The following ZNF892 variants were observed in gnomAD, a reference collection of about 807,000 sequenced individuals.
ZNF892 encodes zinc finger protein 570-like.
chr2:95,254,213 G>A, the ZNF892 span, among the ~76,000 whole-genome samples: 8 of 152,140 alleles, frequency 5.3e-5, no homozygotes, highest in African/African-American at 1.9e-4. Context: ...TATTGGCTGT[G>A]GTTTTGTCAT....
chr2:95,209,520 A>G, the ZNF892 span, among the ~76,000 whole-genome samples: 134 of 152,330 alleles, frequency 8.8e-4, no homozygotes, highest in Non-Finnish European at 1.6e-3. Context: ...GATCTGGCCA[A>G]GACAGTGGGA....
chr2:95,240,073 A>G, the ZNF892 span, among the ~76,000 whole-genome samples: 1 of 152,080 alleles, frequency 6.6e-6, no homozygotes, highest in African/African-American at 2.4e-5. Context: ...ATCCTTTAAG[A>G]TCTTCCAGGG....
the ZNF892 span, chr2:95,212,044 A>T: frequency 2.5e-6 from 1 of 396,574 alleles, no homozygotes; most frequent in South Asian, 1.4e-4. Context: ...AAGGGACTCA[A>T]ACCCCTATCA....
At chr2:95,230,960 C>A in the ZNF892 span, among the ~76,000 whole-genome samples, 1 of 152,094 alleles carries the variant, frequency 6.6e-6, no homozygotes, top group Non-Finnish European at 1.5e-5. Context: ...CCCTTCCAAC[C>A]TAAAAAAATA....
the ZNF892 span, among the ~76,000 whole-genome samples, chr2:95,257,011 G>T: frequency 9.3e-3 from 1,409 of 152,266 alleles, 14 homozygotes; most frequent in Middle Eastern, 0.017. Context: ...CTTTGCCATG[G>T]GTTTGAACTT....
the ZNF892 span, among the ~76,000 whole-genome samples, chr2:95,248,203 A>G: frequency 6.6e-6 from 1 of 152,218 alleles, no homozygotes; most frequent in Admixed American, 6.5e-5. Flanking sequence ...GATGCAGCTG[A>G]GGCCATTATC....
the ZNF892 span, chr2:95,232,143 T>C: frequency 2.0e-5 from 3 of 152,192 alleles, no homozygotes; most frequent in Admixed American, 1.3e-4. Flanking sequence ...CATGATTCCC[T>C]GTGGAGGGGT....
At chr2:95,210,203 A>G in the ZNF892 span, among the ~76,000 whole-genome samples, 1 of 144,746 alleles carries the variant, frequency 6.9e-6, no homozygotes, top group South Asian at 2.5e-4. Flanking sequence ...GTATATATGT[A>G]TATATGTGTA....
At chr2:95,218,312 A>G in the ZNF892 span, among the ~76,000 whole-genome samples, 1 of 152,214 alleles carries the variant, frequency 6.6e-6, no homozygotes, top group Non-Finnish European at 1.5e-5. Flanking sequence ...TACTACAAGC[A>G]CTAAGGGGAC....
chr2:95,255,551 T>C, the ZNF892 span, among the ~76,000 whole-genome samples: 1 of 152,216 alleles, frequency 6.6e-6, no homozygotes, highest in African/African-American at 2.4e-5. Flanking sequence ...AGAATGTATA[T>C]TCTGTTGATT....
At chr2:95,247,120 G>C in the ZNF892 span, among the ~76,000 whole-genome samples, 1 of 152,106 alleles carries the variant, frequency 6.6e-6, no homozygotes, top group Admixed American at 6.5e-5. Flanking sequence ...CTACTAGGCT[G>C]CAGTAACCAA....
At chr2:95,214,367 A>G in the ZNF892 span, 1 of 398,522 alleles carries the variant, frequency 2.5e-6, no homozygotes, top group Admixed American at 4.4e-5. Context: ...GCAAGGAGCT[A>G]ACTCCAGAGA....
the ZNF892 span, among the ~76,000 whole-genome samples, chr2:95,236,883 G>A: frequency 2.0e-5 from 3 of 152,188 alleles, no homozygotes; most frequent in Non-Finnish European, 4.4e-5. Context: ...TGATTATATG[G>A]ACACTAAGGG....
the ZNF892 span, among the ~76,000 whole-genome samples, chr2:95,251,842 G>A: frequency 1.3e-5 from 2 of 152,344 alleles, no homozygotes; most frequent in African/African-American, 4.8e-5. Flanking sequence ...CACTTTCAAA[G>A]GTCAGAGACA....
At chr2:95,241,453 C>T in the ZNF892 span, among the ~76,000 whole-genome samples, 2 of 152,256 alleles carry the variant, frequency 1.3e-5, no homozygotes, top group East Asian at 3.9e-4. Context: ...AACAAAACAA[C>T]ATCAACAAAA....
chr2:95,250,862 A>C, the ZNF892 span, among the ~76,000 whole-genome samples: 1 of 147,026 alleles, frequency 6.8e-6, no homozygotes, highest in African/African-American at 2.5e-5. Flanking sequence ...TAAATGCTTA[A>C]ATAATAAATA....
chr2:95,230,420 C>A, the ZNF892 span, among the ~76,000 whole-genome samples: 3 of 152,056 alleles, frequency 2.0e-5, no homozygotes, highest in Admixed American at 2.0e-4. Context: ...TAATGTTGAT[C>A]ACTTTTTCAA....
chr2:95,247,331 A>G, the ZNF892 span, among the ~76,000 whole-genome samples: 1 of 152,140 alleles, frequency 6.6e-6, no homozygotes, highest in Admixed American at 6.6e-5. Context: ...CTGGACCCCT[A>G]CCTTTCACTA....
At chr2:95,229,154 TC>T in the ZNF892 span, among the ~76,000 whole-genome samples, 1 of 152,216 alleles carries the variant, frequency 6.6e-6, no homozygotes, top group Non-Finnish European at 1.5e-5. Flanking sequence ...CGTCAAGACT[TC>T]CTGAGGCTGT....
Sources: gnomAD v4.1 joint callset for allele counts (sites outside exome capture counted in the v4.1 genomes callset) on GRCh38, gnomAD v4.1.1 for gene constraint, MANE v1.5 for transcripts, NCBI Gene and HGNC (gene_info 2026-07-23, HGNC 2026-07-21) for gene names.